Variants in SPTLC3 observed in about 807,000 individuals in gnomAD.
SPTLC3 encodes the protein serine palmitoyltransferase 3.
Under a neutral mutation model 59.3 loss-of-function variants are expected in SPTLC3, and 36 were observed. The observed-to-expected ratio is 0.61, with a 90% CI of 0.47 to 0.80. The LOEUF (loss-of-function observed/expected upper bound fraction) is 0.80, where lower values mean the gene tolerates loss of function less well. Ranked by LOEUF, SPTLC3 falls within the 30% of genes least tolerant of loss-of-function variation. SPTLC3 has a pLI of 0.00. For missense variants in SPTLC3, 625 were observed against 685.1 expected, an observed-to-expected ratio of 0.91 and a Z score of 0.98; for synonymous variants, 257 against 240.8, an observed-to-expected ratio of 1.07 and a Z score of -0.62.
At chr20:13,074,059 C>T (rs1988549608) in intron 3 of SPTLC3, 5 of 646,582 alleles carry the variant, frequency 7.7e-6, no homozygotes, top group African/African-American at 5.3e-5. Flanking sequence ...AAGTTGGAGG[C>T]CTGCTGTGGG....
At chr20:13,154,318 G>A (rs2038717336) in intron 10 of SPTLC3, among the ~76,000 whole-genome samples, 180 bp downstream of exon 10, 1 of 152,086 alleles carries the variant, frequency 6.6e-6, no homozygotes, top group Admixed American at 6.6e-5. Context: ...AGGTCTTATA[G>A]AAAGGGAACC....
At chr20:13,038,411 T>C (rs1986830520) in intron 1 of SPTLC3, among the ~76,000 whole-genome samples, 2 of 152,174 alleles carry the variant, frequency 1.3e-5, no homozygotes, top group South Asian at 2.1e-4. Context: ...GTTGGTTTTT[T>C]GTATTATGTG....
chr20:13,117,741 C>T lies in SPTLC3; in HGVS notation c.1152+16C>T. On this transcript the variant is annotated intron_variant, in intron 8 of 11. Transcript: ENST00000399002. ...TGGAAGGAAGGTAAGAGAGGGCCTG[C>T]TTGTGTCTGTTTAAAACCTGAGCGC... 6.3e-7 allele frequency: 1 copy of T among 1,594,342 alleles called. No homozygotes were observed. The highest frequency in any genetic ancestry group is 8.5e-7 in the Non-Finnish European group (1 of 1,171,724).
chr20:13,105,865 TAATA>T (rs1989863613), intron 6 of SPTLC3, among the ~76,000 whole-genome samples: 1 of 152,152 alleles, frequency 6.6e-6, no homozygotes, highest in Non-Finnish European at 1.5e-5. Context: ...ATTATAGACA[TAATA>T]AATAAAAGAT....
intron 10 of SPTLC3, 42 bp downstream of exon 10, chr20:13,154,180 G>A (rs1397401916): frequency 1.2e-6 from 2 of 1,609,336 alleles, no homozygotes; most frequent in African/African-American, 1.3e-5. Flanking sequence ...TAAACCCCAA[G>A]GTGACCTAAG....
intron 7 of SPTLC3, among the ~76,000 whole-genome samples, chr20:13,112,825 T>C (rs948235726): frequency 1.3e-5 from 2 of 152,232 alleles, no homozygotes; most frequent in Non-Finnish European, 2.9e-5. Flanking sequence ...AGTTGAGTTC[T>C]ACAGCCTTAA....
At chr20:13,049,196 G>T in intron 2 of SPTLC3, 66 bp downstream of exon 2, 1 of 1,550,142 alleles carries the variant, frequency 6.5e-7, no homozygotes, top group Non-Finnish European at 8.9e-7. Context: ...TCTCAGAAGT[G>T]GTGATGCAGG....
At chr20:13,144,115 A>C (rs1235534045) in intron 9 of SPTLC3, among the ~76,000 whole-genome samples, 1 of 152,154 alleles carries the variant, frequency 6.6e-6, no homozygotes, top group Non-Finnish European at 1.5e-5. Flanking sequence ...GATCTTTCCC[A>C]TGACTGGAAT....
chr20:13,038,419 G>A (rs1986830878), intron 1 of SPTLC3, among the ~76,000 whole-genome samples: 1 of 152,010 alleles, frequency 6.6e-6, no homozygotes, highest in Non-Finnish European at 1.5e-5. Context: ...TTTGTATTAT[G>A]TGTCTTTCTT....
chr20:13,066,750 T>C (rs1237845726), intron 2 of SPTLC3, among the ~76,000 whole-genome samples: 1 of 152,024 alleles, frequency 6.6e-6, no homozygotes, highest in Non-Finnish European at 1.5e-5. Flanking sequence ...CTCTTCCTTC[T>C]TACACTTTGC....
chr20:13,066,256 G>T (rs963822915), intron 2 of SPTLC3, among the ~76,000 whole-genome samples: 1 of 106,758 alleles, frequency 9.4e-6, no homozygotes. Context: ...TATGAGAAAA[G>T]AATCCAATTT....
chr20:13,149,142 G>A (rs1256242463), intron 9 of SPTLC3, among the ~76,000 whole-genome samples: 2 of 152,174 alleles, frequency 1.3e-5, no homozygotes, highest in African/African-American at 4.8e-5. Context: ...TCTCCAGAGG[G>A]CTACATAAGA....
At chr20:13,100,149 G>A (rs1989553468) in intron 6 of SPTLC3, among the ~76,000 whole-genome samples, 1 of 152,080 alleles carries the variant, frequency 6.6e-6, no homozygotes, top group Non-Finnish European at 1.5e-5. Context: ...AGAATTCTGG[G>A]CCCTTGGATT....
At chr20:13,053,436 G>A (rs933509075) in intron 2 of SPTLC3, among the ~76,000 whole-genome samples, 1 of 152,064 alleles carries the variant, frequency 6.6e-6, no homozygotes, top group Non-Finnish European at 1.5e-5. Context: ...ATGAGGATGA[G>A]GAAAAACCAG....
chr20:13,070,268 A>G (rs189459731), intron 2 of SPTLC3, among the ~76,000 whole-genome samples: 78 of 152,330 alleles, frequency 5.1e-4, no homozygotes, highest in African/African-American at 1.7e-3. Context: ...CCATCCTTCA[A>G]ATTTAAACAG....
chr20:13,126,708 A>G lies in SPTLC3; in HGVS notation c.1270A>G (p.Thr424Ala). The G allele has an allele frequency of 6.2e-7, 1 of 1,613,948 alleles. No homozygotes were observed. The highest frequency in any genetic ancestry group is 8.5e-7 in the Non-Finnish European group (1 of 1,179,864). Reference sequence around the variant, plus strand: ...AAAACTTATCATGGGACTGGATGGGACCACTCAAGGTAAGAGGATCTGCAG... The same window carrying G: ...AAAACTTATCATGGGACTGGATGGGGCCACTCAAGGTAAGAGGATCTGCAG... ...SLKLIMGLDG[T>A]TQGLQRVQQL... The change falls in exon 9 of 12, where the codon ACC becomes GCC. Residue 424 changes from threonine (T) to alanine (A), a missense_variant. By Grantham distance (58) the Thr-to-Ala change is moderately conservative. Transcript: ENST00000399002.
Position 13,167,077 on chromosome 20 carries a change from T to C in SPTLC3, c.*2210T>C, listed in dbSNP as rs921124406. 2 of 152,186 alleles carry C rather than the reference T, an allele frequency of 1.3e-5. No homozygotes were observed. The highest frequency in any genetic ancestry group is 4.8e-5 in the African/African-American group (2 of 41,432). The allele number at this position is 152,186 out of a possible 1,614,324, so 9.4% of individuals were successfully genotyped here. ...AACAACTGTTGATATACAGGTATAATCCAAGTAGAATGCTTCCACAGTGCA... is the reference window on the plus strand; with the variant it reads ...AACAACTGTTGATATACAGGTATAACCCAAGTAGAATGCTTCCACAGTGCA... On this transcript the variant is annotated 3_prime_UTR_variant, in exon 12 of 12. Coordinates refer to ENST00000399002, the MANE Select transcript of SPTLC3 (RefSeq NM_018327.4).
intron 1 of SPTLC3, among the ~76,000 whole-genome samples, chr20:13,033,128 A>G (rs1986574562): frequency 6.6e-6 from 1 of 152,176 alleles, no homozygotes; most frequent in South Asian, 2.1e-4. Flanking sequence ...TTCCTAATAC[A>G]GACATTTCCT....
intron 1 of SPTLC3, among the ~76,000 whole-genome samples, chr20:13,034,063 T>C (rs983359253): frequency 6.6e-6 from 1 of 152,144 alleles, no homozygotes; most frequent in African/African-American, 2.4e-5. Flanking sequence ...GCTTAGGCAA[T>C]AAATGGAAGG....
Sources: gnomAD v4.1 joint callset for allele counts (sites outside exome capture counted in the v4.1 genomes callset) on GRCh38, gnomAD v4.1.1 for gene constraint, MANE v1.5 for transcripts, NCBI Gene and HGNC (gene_info 2026-07-23, HGNC 2026-07-21) for gene names.